UST: variants seen among roughly 807,000 people sequenced by gnomAD.
The protein encoded by UST is chondroitin sulfate 2-O-sulfotransferase.
In UST, 21 loss-of-function variants were observed where a neutral mutation model predicts 45.6. That is an observed-to-expected ratio of 0.46 (90% CI 0.33 to 0.66). The LOEUF is 0.66. UST is among the 30% of genes least tolerant of loss of function. UST has a pLI of 0.02. For synonymous variants in UST, 215 were observed against 200.6 expected, an observed-to-expected ratio of 1.07 and a Z score of -0.61; for missense variants, 463 against 512.4, an observed-to-expected ratio of 0.90 and a Z score of 0.93.
At chr6:148,944,820 G>T (rs1022989360) in intron 3 of UST, among the ~76,000 whole-genome samples, 16 of 152,184 alleles carry the variant, frequency 1.1e-4, no homozygotes, top group Non-Finnish European at 2.2e-4. Flanking sequence ...CCTAAAACTA[G>T]ATTTCAGGTC....
At chr6:148,763,547 A>T (rs1353161007) in intron 1 of UST, among the ~76,000 whole-genome samples, 1 of 151,820 alleles carries the variant, frequency 6.6e-6, no homozygotes, top group African/African-American at 2.4e-5. Context: ...TTTTTGTTGC[A>T]TTGCTTAGCC....
chr6:149,007,380 T>C (rs186336375), intron 5 of UST, among the ~76,000 whole-genome samples: 2,024 of 150,444 alleles, frequency 0.013, 56 homozygotes, highest in African/African-American at 0.046. Flanking sequence ...CTCTGCCTTC[T>C]GGGTTCACAC....
chr6:149,001,909 G>A (rs1220417599), intron 5 of UST, among the ~76,000 whole-genome samples: 3 of 151,994 alleles, frequency 2.0e-5, no homozygotes, highest in Non-Finnish European at 4.4e-5. Context: ...CCGATTTGGA[G>A]GAATATAAGA....
At chr6:148,841,795 A>T (rs2114773827) in intron 1 of UST, among the ~76,000 whole-genome samples, 1 of 152,338 alleles carries the variant, frequency 6.6e-6, no homozygotes, top group Admixed American at 6.5e-5. Flanking sequence ...GCAGTACATT[A>T]ATCATGTGTC....
chr6:148,964,689 A>G (rs1264106817), intron 5 of UST, 126 bp downstream of exon 5: 1 of 1,267,814 alleles, frequency 7.9e-7, no homozygotes, highest in Non-Finnish European at 1.1e-6. Context: ...TGGCGCAGAG[A>G]GGGTGCTTCC....
chr6:148,897,179 T>A (rs1779148399), intron 2 of UST, among the ~76,000 whole-genome samples: 1 of 152,134 alleles, frequency 6.6e-6, no homozygotes. Context: ...TTTTTTAAAA[T>A]TTTTTTGAGA....
chr6:149,026,352 C>G (rs1776051394), intron 7 of UST, among the ~76,000 whole-genome samples: 2 of 152,054 alleles, frequency 1.3e-5, no homozygotes, highest in African/African-American at 2.4e-5. Flanking sequence ...GAAACTGAAG[C>G]CAGCCCAGAG....
At chr6:149,034,190 C>T (rs186336400) in intron 7 of UST, among the ~76,000 whole-genome samples, 1 of 152,168 alleles carries the variant, frequency 6.6e-6, no homozygotes, top group South Asian at 2.1e-4. Flanking sequence ...GATTTTGTTT[C>T]ATTTCTTGCA....
rs5880823 is a variant in UST at position 149,005,004 on chromosome 6, A to ATT, written c.682-14124_682-14123dup. 5.1e-3 allele frequency among the ~76,000 whole-genome samples: 753 copies of ATT among 148,420 alleles called. 6 individuals carry two copies. Among genetic ancestry groups the ATT allele is most frequent in the African/African-American group, 0.015 (594 of 40,612 alleles). ...GCATGAACCACTATACCTCCAGCTG[A>ATT]TTTTTTTTTTTTAACTTTTTTGTAG... On this transcript the variant is annotated intron_variant, in intron 5 of 7. Coordinates refer to ENST00000367463, the MANE Select transcript of UST (RefSeq NM_005715.3).
At chr6:148,989,283 G>A (rs1200753159) in intron 5 of UST, among the ~76,000 whole-genome samples, 3 of 147,616 alleles carry the variant, frequency 2.0e-5, no homozygotes, top group African/African-American at 7.6e-5. Flanking sequence ...TGAAGATAGG[G>A]AAGGACTGAG....
At chr6:149,002,655 G>C (rs1164908240) in intron 5 of UST, among the ~76,000 whole-genome samples, 1 of 152,050 alleles carries the variant, frequency 6.6e-6, no homozygotes, top group Non-Finnish European at 1.5e-5. Flanking sequence ...TACAGGCACA[G>C]ACCACCACGC....
At chr6:148,886,502 G>C (rs138655278) in intron 1 of UST, among the ~76,000 whole-genome samples, 1 of 152,334 alleles carries the variant, frequency 6.6e-6, no homozygotes, top group East Asian at 1.9e-4. Flanking sequence ...AGCCTGAAGA[G>C]AGAAGAGAAA....
At chr6:149,049,887 A>C (rs1776454334) in intron 7 of UST, among the ~76,000 whole-genome samples, 1 of 150,000 alleles carries the variant, frequency 6.7e-6, no homozygotes, top group Non-Finnish European at 1.5e-5. Context: ...TCTAGCCAGT[A>C]GTTTTTTAAA....
At chr6:148,911,876 T>C (rs1303273318) in intron 2 of UST, among the ~76,000 whole-genome samples, 1 of 152,160 alleles carries the variant, frequency 6.6e-6, no homozygotes, top group Non-Finnish European at 1.5e-5. Flanking sequence ...CCTCAAATCC[T>C]TTTTGCCAGC....
chr6:148,799,234 G>A (rs573283404), intron 1 of UST, among the ~76,000 whole-genome samples: 20 of 152,300 alleles, frequency 1.3e-4, no homozygotes, highest in East Asian at 5.8e-4. Context: ...GGGAAGGTGG[G>A]CAGGCATCCC....
intron 1 of UST, among the ~76,000 whole-genome samples, chr6:148,807,656 A>G (rs1777176359): frequency 6.6e-6 from 1 of 152,114 alleles, no homozygotes; most frequent in Admixed American, 6.5e-5. Flanking sequence ...ATTGACAGAT[A>G]CAGCTTTGAT....
chr6:149,064,539 G>A (rs1776704380), intron 7 of UST, among the ~76,000 whole-genome samples: 1 of 152,166 alleles, frequency 6.6e-6, no homozygotes, highest in African/African-American at 2.4e-5. Flanking sequence ...GTGCAGAATA[G>A]CTATTCAACA....
chr6:149,009,910 C>T (rs1417691539), intron 5 of UST, among the ~76,000 whole-genome samples: 3 of 148,970 alleles, frequency 2.0e-5, no homozygotes, highest in Admixed American at 1.3e-4. Context: ...GATTTTAAGA[C>T]CAAAATAGAA....
At chr6:149,068,333 G>T (rs1433278590) in intron 7 of UST, among the ~76,000 whole-genome samples, 1 of 152,210 alleles carries the variant, frequency 6.6e-6, no homozygotes, top group Non-Finnish European at 1.5e-5. Context: ...GCATGACCTT[G>T]AATGAGTTAT....
Sources: allele counts gnomAD v4.1 joint callset (sites outside exome capture counted in the v4.1 genomes callset), GRCh38; gene constraint gnomAD v4.1.1; transcripts MANE v1.5; gene names NCBI Gene and HGNC (gene_info 2026-07-23, HGNC 2026-07-21).